Variants in EPHA4 observed in about 807,000 individuals in gnomAD.
EPHA4 encodes the protein EPH receptor A4, also known as ephrin type-A receptor 4.
Under a neutral mutation model 108.3 loss-of-function variants are expected in EPHA4, and 19 were observed. That is an observed-to-expected ratio of 0.18 (90% confidence interval 0.12 to 0.26). The LOEUF (loss-of-function observed/expected upper bound fraction) is 0.26, where lower values mean the gene tolerates loss of function less well. EPHA4 is among the 10% of genes least tolerant of loss of function. EPHA4 has a pLI of 1.00. For missense variants in EPHA4, 917 were observed against 1,254.0 expected (o/e 0.73, Z 4.06); for synonymous variants, 449 against 455.5 (o/e 0.99, Z 0.18).
At chr2:221,553,010 A>C (rs971705118) in intron 3 of EPHA4, among the ~76,000 whole-genome samples, 6 of 152,180 alleles carry the variant, frequency 3.9e-5, no homozygotes, top group African/African-American at 1.4e-4. Flanking sequence ...ATTTAATTGC[A>C]CCTCTAACTG....
chr2:221,529,854 G>A (rs989192465), intron 3 of EPHA4, among the ~76,000 whole-genome samples: 7 of 152,128 alleles, frequency 4.6e-5, no homozygotes, highest in South Asian at 2.1e-4. Context: ...GGAAACCCAC[G>A]AGTCTATTTT....
At chr2:221,434,900 A>T (rs201780418) in intron 13 of EPHA4, among the ~76,000 whole-genome samples, 2 of 8,204 alleles carry the variant, frequency 2.4e-4, no homozygotes, top group Non-Finnish European at 4.0e-4. Context: ...TTATTAAATT[A>T]AAAAAAAAAG....
At chr2:221,562,496 G>T (rs1244341753) in intron 3 of EPHA4, among the ~76,000 whole-genome samples, 3 of 152,192 alleles carry the variant, frequency 2.0e-5, no homozygotes, top group Admixed American at 1.3e-4. Flanking sequence ...TGGTTGAAAT[G>T]CCAGACAAAT....
chr2:221,454,956 T>G (rs1324031946), intron 8 of EPHA4, among the ~76,000 whole-genome samples: 2 of 152,202 alleles, frequency 1.3e-5, no homozygotes, highest in Admixed American at 6.5e-5. Context: ...TGCTGATGGC[T>G]TTTCCTGGGG....
At chr2:221,496,479 T>A (rs1692299820) in intron 4 of EPHA4, among the ~76,000 whole-genome samples, 1 of 152,188 alleles carries the variant, frequency 6.6e-6, no homozygotes, top group Admixed American at 6.5e-5. Context: ...AGAATTAGAA[T>A]CCAGTTCTGC....
At chr2:221,537,205 T>C (rs1381844521) in intron 3 of EPHA4, among the ~76,000 whole-genome samples, 4 of 152,214 alleles carry the variant, frequency 2.6e-5, no homozygotes, top group Admixed American at 6.5e-5. Flanking sequence ...GGAAGTAGCA[T>C]TGTAATTGAC....
intron 17 of EPHA4, among the ~76,000 whole-genome samples, chr2:221,421,478 T>C (rs933434960): frequency 2.0e-5 from 3 of 152,146 alleles, no homozygotes; most frequent in African/African-American, 7.2e-5. Flanking sequence ...CACAGGGAGA[T>C]ACTTGCTCTA....
chr2:221,563,975 G>T lies in EPHA4; in HGVS notation c.579C>A (p.Ala193=). ...LAFQDVGACI[A]LVSVRVFYKK... ...TATAGAACACACGGACTGATACCAG[G>T]GCGATGCAGGCCCCCACATCCTGAA... is the stretch of plus-strand genomic sequence containing the variant. Residue 193 remains alanine, a synonymous_variant, in exon 3 of 18, where the codon GCC becomes GCA. Transcript: ENST00000281821. The T allele has an allele frequency of 6.2e-7, 1 of 1,613,964 alleles. No individual in the cohort carries two copies. Among genetic ancestry groups the T allele is most frequent in the Non-Finnish European group, 8.5e-7 (1 of 1,180,016 alleles).
chr2:221,502,903 G>A (rs376165265), intron 3 of EPHA4, among the ~76,000 whole-genome samples: 5 of 152,278 alleles, frequency 3.3e-5, no homozygotes, highest in South Asian at 2.1e-4. Context: ...AAAACAAGTT[G>A]CTCCAATGAC....
chr2:221,484,603 G>A (rs181767639), intron 4 of EPHA4, among the ~76,000 whole-genome samples: 43 of 152,202 alleles, frequency 2.8e-4, no homozygotes, highest in Non-Finnish European at 4.9e-4. Context: ...TTTTAGCATG[G>A]TAACTGGAAT....
chr2:221,555,134 CA>C (rs1451796583), intron 3 of EPHA4, among the ~76,000 whole-genome samples: 1 of 152,090 alleles, frequency 6.6e-6, no homozygotes, highest in African/African-American at 2.4e-5. Flanking sequence ...TTGCATGGGG[CA>C]GGGGGGCCGG....
At chr2:221,495,463 T>A (rs1220559451) in intron 4 of EPHA4, among the ~76,000 whole-genome samples, 1 of 152,204 alleles carries the variant, frequency 6.6e-6, no homozygotes, top group Admixed American at 6.5e-5. Context: ...TCGCTCCTCC[T>A]AATCCGCAGG....
chr2:221,491,582 T>C (rs1692144061), intron 4 of EPHA4, among the ~76,000 whole-genome samples: 1 of 152,124 alleles, frequency 6.6e-6, no homozygotes, highest in Non-Finnish European at 1.5e-5. Context: ...GATAGAAAGT[T>C]TCCAACTTTC....
At chr2:221,436,976 C>A in intron 12 of EPHA4, 85 bp downstream of exon 12, 1 of 987,174 alleles carries the variant, frequency 1.0e-6, no homozygotes, top group Non-Finnish European at 1.6e-6. Flanking sequence ...TCCACGAATA[C>A]CACCGAACAC....
intron 3 of EPHA4, among the ~76,000 whole-genome samples, chr2:221,516,324 C>T (rs1029462104): frequency 2.0e-5 from 3 of 151,180 alleles, no homozygotes; most frequent in East Asian, 1.9e-4. Context: ...CAAGTCTATA[C>T]GGTTCCCATG....
In EPHA4 at chr2:221,426,641, A is replaced by G. The variant is rs370473432; in HGVS notation, c.2691-22T>C. 52 of 1,605,242 alleles carry G rather than the reference A, an allele frequency of 3.2e-5. 1 individual carries two copies. The African/African-American group carries it at 6.0e-4, about 19-fold the overall frequency. On this transcript the variant is annotated intron_variant, in intron 15 of 17. Transcript: ENST00000281821. ...AGGTCTAGAAAGAGAACAAGAAAATATAAGCAGAACGGAGCTACCAGTGAG... is the reference window on the plus strand; with the variant it reads ...AGGTCTAGAAAGAGAACAAGAAAATGTAAGCAGAACGGAGCTACCAGTGAG...
chr2:221,434,425 G>T, intron 13 of EPHA4, 134 bp from the exon 14 acceptor site: 1 of 912,220 alleles, frequency 1.1e-6, no homozygotes, highest in Non-Finnish European at 1.6e-6. Context: ...TAAGACACTT[G>T]TTCATTTTAA....
chr2:221,541,602 C>T lies in EPHA4; in HGVS notation c.823+22129G>A, dbSNP rs368513734. 5.9e-5 allele frequency among the ~76,000 whole-genome samples: 9 copies of T among 152,248 alleles called. No individual in the cohort carries two copies. In the East Asian group the frequency reaches 1.4e-3, roughly 23 times the overall value. Reference sequence around the variant, plus strand: ...GGGAAGCTGTAACTCCACAGGCATACAGATGACAGTACTCAACCCAAGCAA... The same window carrying T: ...GGGAAGCTGTAACTCCACAGGCATATAGATGACAGTACTCAACCCAAGCAA... On this transcript the variant is annotated intron_variant, in intron 3 of 17. Coordinates refer to ENST00000281821, the MANE Select transcript of EPHA4 (RefSeq NM_004438.5).
intron 3 of EPHA4, among the ~76,000 whole-genome samples, chr2:221,560,743 T>C (rs914216968): frequency 2.6e-5 from 4 of 152,196 alleles, no homozygotes; most frequent in Admixed American, 6.5e-5. Flanking sequence ...CATCCCATTT[T>C]ATGGATGAAC....
Sources: gnomAD v4.1 joint callset for allele counts (sites outside exome capture counted in the v4.1 genomes callset) on GRCh38, gnomAD v4.1.1 for gene constraint, MANE v1.5 for transcripts, NCBI Gene and HGNC (gene_info 2026-07-23, HGNC 2026-07-21) for gene names.